Variants in SLC25A42 observed in about 807,000 individuals in gnomAD.
SLC25A42 encodes the protein solute carrier family 25 member 42.
A neutral mutation model predicts 34.7 loss-of-function variants in SLC25A42; 19 were observed. That is an observed-to-expected ratio of 0.55 (90% CI 0.38 to 0.80). The LOEUF is 0.80. Among genes scored for constraint, SLC25A42 ranks in the 30% least tolerant of loss-of-function variants. The probability of loss-of-function intolerance (pLI) is 0.00; values close to 1 mark genes in which losing one functional copy is unlikely to be tolerated. For synonymous variants in SLC25A42, 205 were observed against 191.2 expected (o/e 1.07, Z -0.59); for missense variants, 364 against 441.3 (o/e 0.82, Z 1.57).
intron 1 of SLC25A42, among the ~76,000 whole-genome samples, chr19:19,068,495 C>G (rs562206879): frequency 4.6e-5 from 7 of 151,856 alleles, no homozygotes; most frequent in Non-Finnish European, 8.8e-5. Flanking sequence ...GGTGAAACCC[C>G]GTCTCTACTA....
intron 1 of SLC25A42, among the ~76,000 whole-genome samples, chr19:19,078,857 CT>C (rs199627079): frequency 4.8e-4 from 69 of 145,126 alleles, no homozygotes; most frequent in Admixed American, 7.6e-4. Flanking sequence ...CCATTGTGAG[CT>C]TTTTTTTTTT....
intron 1 of SLC25A42, among the ~76,000 whole-genome samples, chr19:19,093,967 C>T (rs771487691): frequency 9.2e-5 from 14 of 152,242 alleles, no homozygotes; most frequent in Non-Finnish European, 1.8e-4. Flanking sequence ...TGAGCCACTG[C>T]GCCCAGCCTG....
At chr19:19,086,274 C>A (rs1020728150) in intron 1 of SLC25A42, among the ~76,000 whole-genome samples, 1 of 152,150 alleles carries the variant, frequency 6.6e-6, no homozygotes, top group African/African-American at 2.4e-5. Flanking sequence ...GCTAGGACTA[C>A]AGGTGAGCAC....
At chr19:19,066,801 A>G (rs993344660) in intron 1 of SLC25A42, among the ~76,000 whole-genome samples, 15 of 152,150 alleles carry the variant, frequency 9.9e-5, no homozygotes, top group African/African-American at 3.4e-4. Context: ...GGATAGATGC[A>G]TGCATCAGCA....
At chr19:19,095,178 G>C (rs932869910) in intron 1 of SLC25A42, among the ~76,000 whole-genome samples, 1 of 151,454 alleles carries the variant, frequency 6.6e-6, no homozygotes, top group Non-Finnish European at 1.5e-5. Context: ...TCCAGCCTGG[G>C]CTACAGAGGG....
intron 7 of SLC25A42, among the ~76,000 whole-genome samples, chr19:19,108,495 G>A (rs2059846180): frequency 6.6e-6 from 1 of 151,872 alleles, no homozygotes; most frequent in Non-Finnish European, 1.5e-5. Flanking sequence ...GCCGCAGTGA[G>A]CTGTGATCTC....
rs943463425 is a variant in SLC25A42 at position 19,086,560 on chromosome 19, AT to A, written c.-34-9523del. Among the ~76,000 whole-genome samples the A allele has an allele frequency of 5.9e-5, 9 of 152,048 alleles. No individual in the cohort carries two copies. The East Asian group carries it at 1.5e-3, about 26-fold the overall frequency. The stretch of plus-strand genomic sequence containing the variant: ...GTTTTGTTTTATTTAAGGCTAGTCC[AT>A]TTTTTTTGAAATAACATTTTAAAAT... On this transcript the variant is annotated intron_variant, in intron 1 of 7. Coordinates refer to ENST00000318596, the MANE Select transcript of SLC25A42 (RefSeq NM_178526.5).
intron 1 of SLC25A42, among the ~76,000 whole-genome samples, chr19:19,085,853 G>A (rs926602935): frequency 6.6e-6 from 1 of 152,136 alleles, no homozygotes; most frequent in Admixed American, 6.5e-5. Context: ...GGAGAGGGGA[G>A]GGGAGGGGGC....
At chr19:19,070,273 G>T (rs1273583138) in intron 1 of SLC25A42, among the ~76,000 whole-genome samples, 1 of 146,614 alleles carries the variant, frequency 6.8e-6, no homozygotes, top group Non-Finnish European at 1.5e-5. Context: ...GGGATTACAG[G>T]TGTGAGCCAC....
chr19:19,087,205 C>T (rs916996531), intron 1 of SLC25A42, among the ~76,000 whole-genome samples: 1 of 152,018 alleles, frequency 6.6e-6, no homozygotes. Flanking sequence ...TGAGATCATG[C>T]AGCATCTGTC....
intron 1 of SLC25A42, among the ~76,000 whole-genome samples, chr19:19,082,593 C>T (rs1223321321): frequency 6.6e-6 from 1 of 151,952 alleles, no homozygotes; most frequent in East Asian, 1.9e-4. Context: ...CGATGCCTGA[C>T]CTCAATTGAT....
intron 5 of SLC25A42, chr19:19,106,009 G>T (rs2059825376): frequency 1.8e-6 from 1 of 549,284 alleles, no homozygotes; most frequent in East Asian, 3.0e-5. Flanking sequence ...AGGTTACTAT[G>T]CCCCCAGGGC....
chr19:19,064,813 GT>G (rs1269597217), intron 1 of SLC25A42, among the ~76,000 whole-genome samples: 1 of 150,982 alleles, frequency 6.6e-6, no homozygotes, highest in Non-Finnish European at 1.5e-5. Flanking sequence ...TCCTCCAATA[GT>G]CCCCCAAGCC....
chr19:19,096,220 C>T lies in SLC25A42; in HGVS notation c.81+15C>T. 2 of 1,603,348 alleles carry T rather than the reference C, an allele frequency of 1.2e-6. No homozygotes were observed. Among genetic ancestry groups the T allele is most frequent in the Non-Finnish European group, 1.7e-6 (2 of 1,171,254 alleles). On this transcript the variant is annotated intron_variant, in intron 2 of 7. Coordinates refer to ENST00000318596, the MANE Select transcript of SLC25A42 (RefSeq NM_178526.5). ...TCTCATCAAAGGCAAGTACCCCGGC[C>T]TCCTGGGATGGGTGTTCTCCTGGGG...
chr19:19,102,682 T>C (rs926921162), intron 3 of SLC25A42, among the ~76,000 whole-genome samples: 11 of 152,062 alleles, frequency 7.2e-5, no homozygotes, highest in African/African-American at 2.4e-4. Context: ...AGGCGGAGGT[T>C]GCAGTCAGCC....
chr19:19,080,813 G>C (rs916631981), intron 1 of SLC25A42, among the ~76,000 whole-genome samples: 1 of 151,734 alleles, frequency 6.6e-6, no homozygotes. Flanking sequence ...CCAGCTACTT[G>C]GGAAGCTAAG....
In SLC25A42 at chr19:19,110,799, A is replaced by G. The variant is rs1320371846; in HGVS notation, c.880A>G (p.Lys294Glu). The G allele has an allele frequency of 6.2e-7, 1 of 1,613,882 alleles. No homozygotes were observed. The highest frequency in any genetic ancestry group is 8.5e-7 in the Non-Finnish European group (1 of 1,180,002). The change falls in exon 8 of 8, where the codon AAG (lysine) becomes GAG (glutamate). Residue 294 changes from lysine (K) to glutamate (E), a missense_variant. Lys to Glu is a moderately conservative substitution (Grantham distance 56, BLOSUM62 1). Coordinates refer to ENST00000318596, the MANE Select transcript of SLC25A42 (RefSeq NM_178526.5). ...LYKGLSMNWV[K>E]GPIAVGISFT... ...CAAAGGCTTGAGCATGAACTGGGTC[A>G]AGGGTCCCATCGCCGTGGGCATCAG...
At chr19:19,067,979 C>G (rs990030580) in intron 1 of SLC25A42, among the ~76,000 whole-genome samples, 1 of 152,116 alleles carries the variant, frequency 6.6e-6, no homozygotes, top group Non-Finnish European at 1.5e-5. Context: ...TAATCAGAAT[C>G]ATTCGCTCGT....
chr19:19,097,823 C>T (rs1048695144), intron 2 of SLC25A42, among the ~76,000 whole-genome samples: 12 of 152,080 alleles, frequency 7.9e-5, no homozygotes, highest in African/African-American at 2.9e-4. Flanking sequence ...ATCGGCCAGG[C>T]GTGGTGGCAC....
Sources: gnomAD v4.1 joint callset for allele counts (sites outside exome capture counted in the v4.1 genomes callset) on GRCh38, gnomAD v4.1.1 for gene constraint, MANE v1.5 for transcripts, NCBI Gene and HGNC (gene_info 2026-07-23, HGNC 2026-07-21) for gene names.